FMNL2: variants seen among roughly 807,000 people sequenced by gnomAD.
FMNL2 encodes formin-like protein 2.
In FMNL2, 51 loss-of-function variants were observed where a neutral mutation model predicts 130.2. The ratio of observed to expected loss-of-function variants is 0.39; its 90% confidence interval spans 0.31 to 0.49. The LOEUF (loss-of-function observed/expected upper bound fraction) is 0.49, where lower values mean the gene tolerates loss of function less well. Among genes scored for constraint, FMNL2 ranks in the 20% least tolerant of loss-of-function variants. The probability of loss-of-function intolerance (pLI) is 0.85; values close to 1 mark genes in which losing one functional copy is unlikely to be tolerated. For synonymous variants in FMNL2, 465 were observed against 467.1 expected, an observed-to-expected ratio of 1.00 and a Z score of 0.06; for missense variants, 977 against 1,316.2, an observed-to-expected ratio of 0.74 and a Z score of 3.99.
intron 3 of FMNL2, among the ~76,000 whole-genome samples, chr2:152,546,265 C>T (rs997429560): frequency 6.6e-6 from 1 of 152,090 alleles, no homozygotes; most frequent in Non-Finnish European, 1.5e-5. Flanking sequence ...TTTTGGCCTA[C>T]AGTTCTTTAG....
chr2:152,580,056 C>T (rs11675841), intron 8 of FMNL2, among the ~76,000 whole-genome samples: 52,621 of 152,110 alleles, frequency 0.35, 10,024 homozygotes, highest in East Asian at 0.56. Context: ...AAACCTTTTG[C>T]GACTGTGCGA....
intron 1 of FMNL2, among the ~76,000 whole-genome samples, chr2:152,426,579 G>A (rs918733178): frequency 6.6e-6 from 1 of 152,148 alleles, no homozygotes; most frequent in African/African-American, 2.4e-5. Flanking sequence ...TTGATCATCA[G>A]TGCAGACACA....
chr2:152,556,085 G>T (rs1037969624), intron 4 of FMNL2, among the ~76,000 whole-genome samples: 1 of 152,024 alleles, frequency 6.6e-6, no homozygotes, highest in Non-Finnish European at 1.5e-5. Flanking sequence ...ATTGAAAATG[G>T]CCAGTTCTCT....
At chr2:152,461,577 T>G (rs960718432) in intron 1 of FMNL2, among the ~76,000 whole-genome samples, 1 of 152,202 alleles carries the variant, frequency 6.6e-6, no homozygotes, top group Non-Finnish European at 1.5e-5. Context: ...AATTAAAAAT[T>G]AATTTAAATT....
intron 9 of FMNL2, among the ~76,000 whole-genome samples, chr2:152,604,068 G>A (rs1292236254): frequency 6.6e-6 from 1 of 151,032 alleles, no homozygotes; most frequent in Non-Finnish European, 1.5e-5. Flanking sequence ...TTCCATGGAA[G>A]TTTCTGGTGC....
At chr2:152,403,312 C>T (rs1486549525) in intron 1 of FMNL2, among the ~76,000 whole-genome samples, 1 of 151,864 alleles carries the variant, frequency 6.6e-6, no homozygotes, top group South Asian at 2.1e-4. Flanking sequence ...CTGTGTACAG[C>T]GTACACTTGA....
chr2:152,499,823 C>A (rs1478048798), intron 1 of FMNL2, among the ~76,000 whole-genome samples: 4 of 152,170 alleles, frequency 2.6e-5, no homozygotes, highest in East Asian at 3.9e-4. Context: ...ATTAGCAGTA[C>A]ACTGAGTTCT....
chr2:152,424,491 A>T (rs769515383), intron 1 of FMNL2, among the ~76,000 whole-genome samples: 7 of 151,794 alleles, frequency 4.6e-5, no homozygotes, highest in African/African-American at 7.3e-5. Flanking sequence ...CCTGGGTTCA[A>T]GTGATTCTCC....
At chr2:152,638,312 A>G (rs1053378822) in intron 23 of FMNL2, among the ~76,000 whole-genome samples, 26 of 152,184 alleles carry the variant, frequency 1.7e-4, no homozygotes, top group African/African-American at 6.0e-4. Context: ...AAATTACAAG[A>G]AGGCTGTTAG....
At chr2:152,363,095 A>G (rs1395620030) in intron 1 of FMNL2, among the ~76,000 whole-genome samples, 1 of 152,176 alleles carries the variant, frequency 6.6e-6, no homozygotes, top group Admixed American at 6.5e-5. Context: ...AGCGATGAAA[A>G]TGTTCTAAAA....
rs558066789 is a variant in FMNL2 at position 152,617,308 on chromosome 2, T to C, written c.1314+116T>C. On this transcript the variant is annotated intron_variant, in intron 13 of 25. Transcript: ENST00000288670. ...GAGGAATGCATTGATGCAGCATATT[T>C]ATTGGAAACCTTTGAGAGGTGATGC... The C allele has an allele frequency of 3.3e-5, 30 of 916,998 alleles. No individual in the cohort carries two copies. The Admixed American group carries it at 3.9e-4, about 12-fold the overall frequency. The allele number at this position is 916,998 out of a possible 1,614,324, so 56.8% of individuals were successfully genotyped here.
rs754371548 is a variant in FMNL2 at position 152,521,928 on chromosome 2, A to AT, written c.118-7dup. On this transcript the variant is annotated splice_polypyrimidine_tract_variant and intron_variant, in intron 1 of 25. Coordinates refer to ENST00000288670, the MANE Select transcript of FMNL2 (RefSeq NM_052905.4). ...GGAATGTGACATCTTTTCTCTCTTT[A>AT]TTTTTTTTAAACAGAATGCTATGAA... 20 of 1,594,288 alleles carry AT rather than the reference A, an allele frequency of 1.3e-5. No homozygotes were observed. The highest frequency in any genetic ancestry group is 9.0e-5 in the East Asian group (4 of 44,556).
At chr2:152,624,000 T>C (rs1000907664) in intron 15 of FMNL2, among the ~76,000 whole-genome samples, 2 of 143,180 alleles carry the variant, frequency 1.4e-5, no homozygotes, top group East Asian at 4.4e-4. Flanking sequence ...GGCAAGGGAC[T>C]GTGGCTATTT....
chr2:152,584,352 C>A (rs1558983339), intron 9 of FMNL2, among the ~76,000 whole-genome samples: 2 of 152,158 alleles, frequency 1.3e-5, no homozygotes, highest in Non-Finnish European at 2.9e-5. Context: ...GAGTCTTTGC[C>A]TTCGAGAAGA....
intron 1 of FMNL2, among the ~76,000 whole-genome samples, chr2:152,482,803 T>C (rs1274291648): frequency 6.6e-6 from 1 of 152,158 alleles, no homozygotes; most frequent in South Asian, 2.1e-4. Context: ...TAATTACTGG[T>C]GTAACTGCCT....
chr2:152,620,955 C>T (rs1699219709), intron 15 of FMNL2: 1 of 985,444 alleles, frequency 1.0e-6, no homozygotes, highest in Non-Finnish European at 1.2e-6. Flanking sequence ...CTACCACTTT[C>T]TTCTAGAACT....
rs564729478 is a variant in FMNL2 at position 152,490,021 on chromosome 2, CT to C, written c.118-31920del. Among the ~76,000 whole-genome samples the C allele has an allele frequency of 1.1e-4, 17 of 152,276 alleles. 1 individual carries two copies. The highest frequency in any genetic ancestry group is 3.6e-4 in the African/African-American group (15 of 41,554). Reference sequence around the variant, plus strand: ...GTTTTTAATTAGCATCATGCAGCCACTTAAGTATTAGCAAAGAAAATTTGTA... The same window carrying C: ...GTTTTTAATTAGCATCATGCAGCCACTAAGTATTAGCAAAGAAAATTTGTA... On this transcript the variant is annotated intron_variant, in intron 1 of 25. Coordinates refer to ENST00000288670, the MANE Select transcript of FMNL2 (RefSeq NM_052905.4).
At chr2:152,524,166 A>G (rs2105412610) in intron 2 of FMNL2, among the ~76,000 whole-genome samples, 1 of 152,354 alleles carries the variant, frequency 6.6e-6, no homozygotes, top group African/African-American at 2.4e-5. Context: ...AAATACATTC[A>G]TGTTGAAGAT....
intron 1 of FMNL2, chr2:152,390,195 C>T (rs570423435): frequency 2.7e-4 from 364 of 1,366,822 alleles, no homozygotes; most frequent in Non-Finnish European, 3.4e-4. Flanking sequence ...CCTGGTGGTC[C>T]CTTTCCGTGT....
Sources: gnomAD v4.1 joint callset for allele counts (sites outside exome capture counted in the v4.1 genomes callset) on GRCh38, gnomAD v4.1.1 for gene constraint, MANE v1.5 for transcripts, NCBI Gene and HGNC (gene_info 2026-07-23, HGNC 2026-07-21) for gene names.